ST3GAL1: variants seen among roughly 807,000 people sequenced by gnomAD.
The protein encoded by ST3GAL1 is CMP-N-acetylneuraminate-beta-galactosamide-alpha-2,3-sialyltransferase 1.
Under a neutral mutation model 34.1 loss-of-function variants are expected in ST3GAL1, and 16 were observed. The ratio of observed to expected loss-of-function variants is 0.47; its 90% CI spans 0.32 to 0.71. The LOEUF (loss-of-function observed/expected upper bound fraction) is 0.71. Among genes scored for constraint, ST3GAL1 ranks in the 30% least tolerant of loss-of-function variants. The pLI is 0.04. For missense variants in ST3GAL1, 353 were observed against 447.4 expected, an observed-to-expected ratio of 0.79 and a Z score of 1.90; for synonymous variants, 191 against 184.7, an observed-to-expected ratio of 1.03 and a Z score of -0.28.
intron 1 of ST3GAL1, among the ~76,000 whole-genome samples, chr8:133,561,780 C>T (rs1819231535): frequency 6.6e-6 from 1 of 152,094 alleles, no homozygotes; most frequent in African/African-American, 2.4e-5. Flanking sequence ...CTGCCATTTC[C>T]CAGACACTCG....
chr8:133,550,104 T>C (rs1466934700), intron 1 of ST3GAL1, among the ~76,000 whole-genome samples: 2 of 152,234 alleles, frequency 1.3e-5, no homozygotes, highest in Non-Finnish European at 2.9e-5. Flanking sequence ...TTCCACTGTC[T>C]TTCTGCCCCA....
intron 1 of ST3GAL1, among the ~76,000 whole-genome samples, chr8:133,557,473 C>T (rs547603202): frequency 6.6e-6 from 1 of 152,168 alleles, no homozygotes; most frequent in Non-Finnish European, 1.5e-5. Context: ...TATCACCCCA[C>T]GGGCTGGCCT....
intron 5 of ST3GAL1, among the ~76,000 whole-genome samples, chr8:133,468,753 G>A (rs1815838023): frequency 6.6e-6 from 1 of 152,144 alleles, no homozygotes; most frequent in Non-Finnish European, 1.5e-5. Context: ...GCTTGCTAAG[G>A]CACAGATCTT....
chr8:133,488,034 G>T (rs1302092554), intron 3 of ST3GAL1: 1 of 151,922 alleles, frequency 6.6e-6, no homozygotes, highest in East Asian at 1.9e-4. Context: ...AACATCACAG[G>T]GTGGGACAGA....
chr8:133,526,996 A>T (rs932758342), intron 2 of ST3GAL1, among the ~76,000 whole-genome samples: 2 of 152,192 alleles, frequency 1.3e-5, no homozygotes, highest in African/African-American at 4.8e-5. Flanking sequence ...AAGAAAACAG[A>T]GGGTCAGAGA....
intron 2 of ST3GAL1, among the ~76,000 whole-genome samples, chr8:133,525,592 C>T (rs1490430958): frequency 6.6e-6 from 1 of 152,166 alleles, no homozygotes; most frequent in Non-Finnish European, 1.5e-5. Flanking sequence ...ACATGGCATC[C>T]ACAGCACCCA....
chr8:133,479,468 G>T (rs911487347), intron 3 of ST3GAL1, among the ~76,000 whole-genome samples: 1 of 152,116 alleles, frequency 6.6e-6, no homozygotes, highest in African/African-American at 2.4e-5. Context: ...GAATGCCATG[G>T]TCTTACTACA....
rs1264154517 is a variant in ST3GAL1, at chr8:133,459,687, T to G, written c.*77A>C. ...GAGGCTGCCCCTCCAAGCTCCGGGA[T>G]GGAACGGCTCCAGCAAGATGCTGGG... On this transcript the variant is annotated 3_prime_UTR_variant, in exon 10 of 10. Transcript: ENST00000522652. The surrounding 1 kb of genome is among the most constrained non-coding windows in gnomAD (Gnocchi z 4.7). 8.6e-6 allele frequency: 13 copies of G among 1,519,226 alleles called. No individual in the cohort carries two copies. Among genetic ancestry groups the G allele is most frequent in the Non-Finnish European group, 1.2e-5 (13 of 1,128,302 alleles). The allele number at this position is 1,519,226 out of a possible 1,614,324, so 94.1% of individuals were successfully genotyped here. A position where few individuals can be genotyped will look rare whatever the true frequency, so the allele number is the denominator to read the frequency against.
intron 1 of ST3GAL1, among the ~76,000 whole-genome samples, chr8:133,568,273 G>A (rs546891825): frequency 1.4e-4 from 21 of 152,092 alleles, no homozygotes; most frequent in Non-Finnish European, 2.5e-4. Flanking sequence ...AATAGTTTGG[G>A]AGCCAAGTTG....
In ST3GAL1 at chr8:133,556,822, G is replaced by A. The variant is rs945119642; in HGVS notation, c.-581-10896C>T. On this transcript the variant is annotated intron_variant, in intron 1 of 9. Transcript: ENST00000522652. This position sits in a 1 kb window ranked among gnomAD's most constrained non-coding sequence, Gnocchi z 8.9. ...TTTGAAATATGGTGTGGTGGAGGGGGGACATTTTGTTCTTTTGGCCTCTTA... is the reference window on the plus strand; with the variant it reads ...TTTGAAATATGGTGTGGTGGAGGGGAGACATTTTGTTCTTTTGGCCTCTTA... Among the ~76,000 whole-genome samples, 26 of 152,196 alleles carry A rather than the reference G, an allele frequency of 1.7e-4. No homozygotes were observed. Among genetic ancestry groups the A allele is most frequent in the Middle Eastern group, 3.4e-3 (1 of 294 alleles).
At chr8:133,497,311 A>G (rs1816981159) in intron 3 of ST3GAL1, among the ~76,000 whole-genome samples, 1 of 152,236 alleles carries the variant, frequency 6.6e-6, no homozygotes, top group Non-Finnish European at 1.5e-5. Flanking sequence ...TAAAGAAGGC[A>G]TTTTGAGAAC....
chr8:133,494,074 G>A (rs1251793517), intron 3 of ST3GAL1, among the ~76,000 whole-genome samples: 1 of 152,108 alleles, frequency 6.6e-6, no homozygotes, highest in Non-Finnish European at 1.5e-5. Flanking sequence ...GTGAAGAAAA[G>A]GGATAATCAA....
intron 2 of ST3GAL1, among the ~76,000 whole-genome samples, chr8:133,505,633 A>C (rs1817308713): frequency 6.8e-6 from 1 of 147,530 alleles, no homozygotes. Flanking sequence ...ACGAAGTTTC[A>C]CTCTTGTCGC....
In ST3GAL1 at chr8:133,570,439, C is replaced by T. The variant is rs556479617; in HGVS notation, c.-582+1254G>A. On this transcript the variant is annotated intron_variant, in intron 1 of 9. Coordinates refer to ENST00000522652, the MANE Select transcript of ST3GAL1 (RefSeq NM_173344.3). This position sits in a 1 kb window ranked among gnomAD's most constrained non-coding sequence, Gnocchi z 5.6. ...TGCCCAACCCCCACCCCCTTGCGCGCTTCTGGGTGCGCACGTGTCCCCTCG... is the reference window on the plus strand; with the variant it reads ...TGCCCAACCCCCACCCCCTTGCGCGTTTCTGGGTGCGCACGTGTCCCCTCG... The T allele has an allele frequency of 2.6e-5, 4 of 152,346 alleles. No homozygotes were observed. In the East Asian group the frequency reaches 5.8e-4, roughly 22 times the overall value. 9.4% of individuals were successfully genotyped at this position (152,346 alleles called of 1,614,324 possible). A position where few individuals can be genotyped will look rare whatever the true frequency, so the allele number is the denominator to read the frequency against.
chr8:133,506,335 T>C (rs1339124970), intron 2 of ST3GAL1, among the ~76,000 whole-genome samples: 1 of 152,242 alleles, frequency 6.6e-6, no homozygotes, highest in Non-Finnish European at 1.5e-5. Flanking sequence ...AGACAACACG[T>C]ACAAAGCGAT....
At position 133,456,438 on chromosome 8, in the gene ST3GAL1, C is replaced by A. The variant is rs2130904074; in HGVS notation, c.*3326G>T. ...GCCAGTCTCCAAGGAACTCTGTCTG[C>A]AGAGTAGAAAGAGCTGTGGGCTGGG... On this transcript the variant is annotated 3_prime_UTR_variant, in exon 10 of 10. Coordinates refer to ENST00000522652, the MANE Select transcript of ST3GAL1 (RefSeq NM_173344.3). 6.6e-6 allele frequency: 1 copy of A among 152,392 alleles called. No homozygotes were observed. Among genetic ancestry groups the A allele is most frequent in the Middle Eastern group, 3.4e-3 (1 of 294 alleles). 9.4% of individuals were successfully genotyped at this position (152,392 alleles called of 1,614,324 possible).
Position 133,554,562 on chromosome 8 carries a change from C to G in ST3GAL1, c.-581-8636G>C, listed in dbSNP as rs16904948. Among the ~76,000 whole-genome samples the G allele has an allele frequency of 0.018, 2,768 of 152,186 alleles. 149 individuals are homozygous for G. The East Asian group carries it at 0.22, about 12-fold the overall frequency. On this transcript the variant is annotated intron_variant, in intron 1 of 9. Coordinates refer to ENST00000522652, the MANE Select transcript of ST3GAL1 (RefSeq NM_173344.3). ...TTGCGCTGACTGCCCATGACCAGGTCAGCATGAGTGAGAGAGGGTACCTTC... is the reference window on the plus strand; with the variant it reads ...TTGCGCTGACTGCCCATGACCAGGTGAGCATGAGTGAGAGAGGGTACCTTC...
intron 9 of ST3GAL1, 130 bp from the exon 10 acceptor site, chr8:133,460,067 C>T: frequency 1.0e-6 from 1 of 974,610 alleles, no homozygotes; most frequent in Non-Finnish European, 1.5e-6. Context: ...TCTGACTAAC[C>T]CTTCATTAAA....
intron 1 of ST3GAL1, among the ~76,000 whole-genome samples, chr8:133,569,781 C>T (rs1481995296): frequency 6.6e-6 from 1 of 152,204 alleles, no homozygotes; most frequent in Non-Finnish European, 1.5e-5. Context: ...CCACAGCAGC[C>T]GGCAGGGGGC....
Sources: allele counts gnomAD v4.1 joint callset (sites outside exome capture counted in the v4.1 genomes callset), GRCh38; gene constraint gnomAD v4.1.1; non-coding constraint Gnocchi (gnomAD v3.1); transcripts MANE v1.5; gene names NCBI Gene and HGNC (gene_info 2026-07-23, HGNC 2026-07-21).